Variants in QTMAN observed in about 807,000 individuals in gnomAD.
QTMAN encodes queuosine-tRNA mannosyltransferase.
the QTMAN span, among the ~76,000 whole-genome samples, chr2:144,321,896 T>C: frequency 2.0e-5 from 3 of 152,122 alleles, no homozygotes; most frequent in African/African-American, 7.2e-5. Context: ...CCTGAAGTAA[T>C]CTGCCATGGT....
the QTMAN span, among the ~76,000 whole-genome samples, chr2:143,975,942 T>G: frequency 6.6e-6 from 1 of 152,172 alleles, no homozygotes; most frequent in East Asian, 1.9e-4. Flanking sequence ...GGCATAAAAT[T>G]AGCTCCTCTA....
the QTMAN span, among the ~76,000 whole-genome samples, chr2:144,119,116 C>T: frequency 1.9e-4 from 29 of 152,200 alleles, no homozygotes; most frequent in African/African-American, 7.0e-4. Flanking sequence ...ATAGTAGGAA[C>T]TATGGGTTAG....
At chr2:143,978,972 G>A in the QTMAN span, among the ~76,000 whole-genome samples, 1 of 152,178 alleles carries the variant, frequency 6.6e-6, no homozygotes, top group Non-Finnish European at 1.5e-5. Context: ...CCAAGGTCCA[G>A]TTTAAGAGAC....
the QTMAN span, among the ~76,000 whole-genome samples, chr2:144,098,861 A>T: frequency 1.3e-5 from 2 of 152,102 alleles, no homozygotes; most frequent in Middle Eastern, 3.4e-3. Flanking sequence ...AAAAAAAAAA[A>T]ACTGACTTAA....
the QTMAN span, among the ~76,000 whole-genome samples, chr2:144,253,820 T>C: frequency 3.5e-3 from 527 of 151,352 alleles, no homozygotes; most frequent in African/African-American, 0.012. Context: ...TTTTCGTAAG[T>C]AACAAGGAGC....
chr2:144,235,049 C>T, the QTMAN span, among the ~76,000 whole-genome samples: 9 of 152,178 alleles, frequency 5.9e-5, no homozygotes, highest in Non-Finnish European at 7.4e-5. Context: ...CCTCGCTGCT[C>T]GCCTTTTATA....
At chr2:144,020,524 A>G in the QTMAN span, among the ~76,000 whole-genome samples, 1 of 152,266 alleles carries the variant, frequency 6.6e-6, no homozygotes, top group Non-Finnish European at 1.5e-5. Flanking sequence ...GGTTAAAACA[A>G]GGCACCTATA....
At chr2:144,234,601 G>A in the QTMAN span, among the ~76,000 whole-genome samples, 2 of 152,216 alleles carry the variant, frequency 1.3e-5, no homozygotes, top group South Asian at 4.1e-4. Context: ...AGAACCAAAC[G>A]TCTACTAGTC....
At chr2:144,293,985 T>A in the QTMAN span, among the ~76,000 whole-genome samples, 3 of 152,346 alleles carry the variant, frequency 2.0e-5, no homozygotes, top group East Asian at 3.9e-4. Context: ...TACATGCCAA[T>A]GGAGAATTTT....
At chr2:144,008,448 G>C in the QTMAN span, among the ~76,000 whole-genome samples, 1 of 151,720 alleles carries the variant, frequency 6.6e-6, no homozygotes, top group Non-Finnish European at 1.5e-5. Flanking sequence ...GAGAATATGA[G>C]ATCAAAGGAA....
At chr2:144,147,522 T>A in the QTMAN span, among the ~76,000 whole-genome samples, 1 of 151,808 alleles carries the variant, frequency 6.6e-6, no homozygotes, top group Non-Finnish European at 1.5e-5. Context: ...TAAAAGGGAA[T>A]ACATGGCAAC....
the QTMAN span, among the ~76,000 whole-genome samples, chr2:144,274,937 A>C: frequency 6.6e-6 from 1 of 152,138 alleles, no homozygotes; most frequent in East Asian, 1.9e-4. Flanking sequence ...TTAGCTGTAG[A>C]ATCTGACCCT....
the QTMAN span, chr2:144,145,783 GA>G: frequency 6.6e-7 from 1 of 1,515,246 alleles, no homozygotes; most frequent in Non-Finnish European, 9.1e-7. Context: ...AAGTATGTTT[GA>G]AGGGATCATG....
the QTMAN span, among the ~76,000 whole-genome samples, chr2:144,046,659 T>C: frequency 1.3e-5 from 2 of 152,240 alleles, no homozygotes; most frequent in South Asian, 2.1e-4. Context: ...TGATACAGTA[T>C]GATTTTAAGA....
chr2:143,998,273 G>C, the QTMAN span, among the ~76,000 whole-genome samples: 1 of 151,950 alleles, frequency 6.6e-6, no homozygotes, highest in Non-Finnish European at 1.5e-5. Flanking sequence ...TCCTTCAACA[G>C]GACACAGGGA....
chr2:144,043,279 CAT>C, the QTMAN span, among the ~76,000 whole-genome samples: 3 of 148,966 alleles, frequency 2.0e-5, no homozygotes, highest in Admixed American at 6.7e-5. Flanking sequence ...GTTGGTTAAA[CAT>C]ATATATATAT....
the QTMAN span, among the ~76,000 whole-genome samples, chr2:144,284,704 A>G: frequency 6.6e-6 from 1 of 152,158 alleles, no homozygotes; most frequent in Non-Finnish European, 1.5e-5. Context: ...ACTGTTCATT[A>G]TTTTAATAAA....
At chr2:143,968,098 G>C in the QTMAN span, among the ~76,000 whole-genome samples, 1 of 152,174 alleles carries the variant, frequency 6.6e-6, no homozygotes, top group Non-Finnish European at 1.5e-5. Flanking sequence ...AAAGTTACCA[G>C]CTCTTTCATC....
At chr2:144,137,917 G>A in the QTMAN span, among the ~76,000 whole-genome samples, 1 of 151,988 alleles carries the variant, frequency 6.6e-6, no homozygotes, top group Non-Finnish European at 1.5e-5. Flanking sequence ...ACTTAACCTC[G>A]CTGCTGTGAA....
Sources: gnomAD v4.1 joint callset for allele counts (sites outside exome capture counted in the v4.1 genomes callset) on GRCh38, gnomAD v4.1.1 for gene constraint, MANE v1.5 for transcripts, NCBI Gene and HGNC (gene_info 2026-07-23, HGNC 2026-07-21) for gene names.